GSE1: variants seen among roughly 807,000 people sequenced by gnomAD.
GSE1 encodes Gse1 coiled-coil protein.
GSE1 carries 32 observed loss-of-function variants against 112.6 expected under a neutral mutation model. The observed-to-expected ratio is 0.28, with a 90% CI of 0.21 to 0.38. GSE1 has a LOEUF of 0.38. Ranked by LOEUF, GSE1 falls within the 10% of genes least tolerant of loss-of-function variation. The pLI is 1.00. For synonymous variants in GSE1, 1,115 were observed against 735.6 expected (o/e 1.52, Z -8.35); for missense variants, 2,348 against 1,699.2 (o/e 1.38, Z -6.71).
At chr16:85,409,356 C>G (rs1344430288) in intron 2 of GSE1, among the ~76,000 whole-genome samples, 49 of 42,706 alleles carry the variant, frequency 1.1e-3, no homozygotes, top group African/African-American at 4.1e-3. Flanking sequence ...CTGGATAATC[C>G]TCACTGTTAC....
chr16:85,179,341 C>G (rs553694304), intron 1 of GSE1, among the ~76,000 whole-genome samples: 5 of 152,304 alleles, frequency 3.3e-5, no homozygotes, highest in African/African-American at 1.2e-4. Flanking sequence ...AGAGCTTCAT[C>G]CCGTTTTGTG....
intron 2 of GSE1, among the ~76,000 whole-genome samples, chr16:85,446,202 G>A (rs529212824): frequency 2.3e-4 from 35 of 152,314 alleles, no homozygotes; most frequent in African/African-American, 8.4e-4. Context: ...TTCCCCGGAG[G>A]ACCTGTATTT....
intron 1 of GSE1, among the ~76,000 whole-genome samples, chr16:85,185,984 G>A (rs965589455): frequency 3.3e-5 from 5 of 152,212 alleles, no homozygotes; most frequent in African/African-American, 7.2e-5. Flanking sequence ...AGTTTCACGG[G>A]CCTTACTGTG....
At chr16:85,300,899 G>T (rs755898982) in intron 1 of GSE1, among the ~76,000 whole-genome samples, 20 of 152,240 alleles carry the variant, frequency 1.3e-4, no homozygotes, top group Admixed American at 2.6e-4. Flanking sequence ...CAGCCATCCT[G>T]CCTCCCAGAA....
intron 13 of GSE1, 134 bp from the exon 14 acceptor site, chr16:85,668,006 G>C: frequency 1.5e-6 from 1 of 680,188 alleles, no homozygotes; most frequent in South Asian, 2.1e-5. Flanking sequence ...TCCTCTCTAC[G>C]CGATGTCATC....
At position 85,373,853 on chromosome 16, in the gene GSE1, G is replaced by A. The variant is rs555489025; in HGVS notation, c.2464+16210G>A. On this transcript the variant is annotated intron_variant, in intron 2 of 2. Transcript: ENST00000637419. This position sits in a 1 kb window ranked among gnomAD's most constrained non-coding sequence, Gnocchi z 5.1. ...GGTGCCCCACGGTTACCACCGCCAC[G>A]GCAGGGCCAGTCTCTTTGTCTCTTT... is the stretch of plus-strand genomic sequence containing the variant. 4.1e-4 allele frequency among the ~76,000 whole-genome samples: 62 copies of A among 152,282 alleles called. No homozygotes were observed. In the East Asian group the frequency reaches 0.011, roughly 26 times the overall value.
At chr16:85,357,434 C>T in intron 1 of GSE1, 2 of 1,183,004 alleles carry the variant, frequency 1.7e-6, no homozygotes, top group South Asian at 3.1e-5. Flanking sequence ...ATGGCCCAGG[C>T]TCACTGTGTC....
In GSE1 at chr16:85,186,209, G is replaced by A. The variant is rs149940463; in HGVS notation, c.2283+14402G>A. Among the ~76,000 whole-genome samples, 179 of 152,256 alleles carry A rather than the reference G, an allele frequency of 1.2e-3. 1 individual carries two copies. The highest frequency in any genetic ancestry group is 0.01 in the Middle Eastern group (3 of 294). On this transcript the variant is annotated intron_variant, in intron 1 of 2. Transcript: ENST00000637419. ...AAACAGGTTGGGTACAGTGGCTCAC[G>A]TCTGTAATCCCGGCAGTTTGAGAGG...
chr16:85,368,674 C>T (rs2047235246), intron 2 of GSE1, among the ~76,000 whole-genome samples: 1 of 152,196 alleles, frequency 6.6e-6, no homozygotes, highest in Admixed American at 6.5e-5. Flanking sequence ...CACTGTACTC[C>T]AGCCTGAGTG....
intron 1 of GSE1, among the ~76,000 whole-genome samples, chr16:85,305,756 G>GT (rs1300340892): frequency 6.6e-6 from 1 of 152,158 alleles, no homozygotes; most frequent in Admixed American, 6.5e-5. Flanking sequence ...GATTACAGGC[G>GT]TGAGTCACTG....
intron 1 of GSE1, among the ~76,000 whole-genome samples, chr16:85,184,963 A>G (rs982589754): frequency 2.6e-4 from 39 of 152,310 alleles, no homozygotes; most frequent in African/African-American, 8.9e-4. Context: ...CAGTGTTCAA[A>G]TTGTCTAGGT....
intron 2 of GSE1, among the ~76,000 whole-genome samples, chr16:85,466,125 G>A (rs529492233): frequency 1.4e-4 from 21 of 152,350 alleles, no homozygotes; most frequent in Admixed American, 7.2e-4. Context: ...GAGAACACGG[G>A]CACTTTGAGT....
rs115640485 is a variant in GSE1, at chr16:85,488,723, G to C, written c.2464+131080G>C. On this transcript the variant is annotated intron_variant, in intron 2 of 2. Transcript: ENST00000637419. ...GTTGTGAGGTGGAGAGCAGAGGACA[G>C]AGTGATGGAGACTGGAGGAGGACCT... Among the ~76,000 whole-genome samples, 793 of 152,334 alleles carry C rather than the reference G, an allele frequency of 5.2e-3. 4 individuals are homozygous for C. The highest frequency in any genetic ancestry group is 0.018 in the African/African-American group (742 of 41,558).
chr16:85,186,851 TAAAG>T (rs1212621847), intron 1 of GSE1, among the ~76,000 whole-genome samples: 2 of 152,350 alleles, frequency 1.3e-5, no homozygotes, highest in Non-Finnish European at 2.9e-5. Context: ...GTGGTGGTGA[TAAAG>T]AAATAGCAGC....
chr16:85,349,825 C>T (rs2046817745), intron 1 of GSE1, among the ~76,000 whole-genome samples: 1 of 152,230 alleles, frequency 6.6e-6, no homozygotes, highest in South Asian at 2.1e-4. Flanking sequence ...CATCAGCAAA[C>T]CTCCCCTCTC....
At chr16:85,413,843 T>C (rs2048642025) in intron 2 of GSE1, among the ~76,000 whole-genome samples, 1 of 152,128 alleles carries the variant, frequency 6.6e-6, no homozygotes, top group South Asian at 2.1e-4. Flanking sequence ...GACTAGATCA[T>C]GGGGGTGGTT....
At chr16:85,294,492 C>T (rs2045306205) in intron 1 of GSE1, among the ~76,000 whole-genome samples, 1 of 152,152 alleles carries the variant, frequency 6.6e-6, no homozygotes, top group Non-Finnish European at 1.5e-5. Context: ...ATTACAGATG[C>T]TGCCCAGGCT....
chr16:85,319,942 G>C (rs1449372609), intron 1 of GSE1, among the ~76,000 whole-genome samples: 1 of 152,188 alleles, frequency 6.6e-6, no homozygotes, highest in African/African-American at 2.4e-5. Context: ...GCTTTCCCTG[G>C]GTCCCGGGCT....
intron 2 of GSE1, among the ~76,000 whole-genome samples, chr16:85,452,952 C>T (rs1384884408): frequency 6.6e-6 from 1 of 152,212 alleles, no homozygotes. Flanking sequence ...AGGGTCCTCC[C>T]TGGAGCTTTC....
Sources: allele counts gnomAD v4.1 joint callset (sites outside exome capture counted in the v4.1 genomes callset), GRCh38; gene constraint gnomAD v4.1.1; non-coding constraint Gnocchi (gnomAD v3.1); transcripts MANE v1.5; gene names NCBI Gene and HGNC (gene_info 2026-07-23, HGNC 2026-07-21).